The following ANO5 variants were observed in gnomAD, a reference collection of about 807,000 sequenced individuals.
ANO5 encodes anoctamin 5.
In ANO5, 109 loss-of-function variants were observed where a neutral mutation model predicts 121.0. That is an observed-to-expected ratio of 0.90 (90% CI 0.77 to 1.06). ANO5 has a LOEUF of 1.06. ANO5 is among the 50% of genes least tolerant of loss of function. The pLI is 0.00. For missense variants in ANO5, 1,064 were observed against 1,078.5 expected (o/e 0.99, Z 0.19); for synonymous variants, 406 against 359.9 (o/e 1.13, Z -1.45).
intron 2 of ANO5, among the ~76,000 whole-genome samples, chr11:22,205,227 A>C (rs1852080057): frequency 6.6e-6 from 1 of 152,120 alleles, no homozygotes; most frequent in African/African-American, 2.4e-5. Context: ...GGAGAGGATC[A>C]GGAAAAACAA....
chr11:22,225,409 A>G (rs1852791293), intron 5 of ANO5, among the ~76,000 whole-genome samples: 1 of 152,112 alleles, frequency 6.6e-6, no homozygotes, highest in South Asian at 2.1e-4. Context: ...ATGGGCTGTG[A>G]TCACAACACT....
chr11:22,193,027 G>T, upstream of ANO5: 1 of 1,014,900 alleles, frequency 9.9e-7, no homozygotes, highest in Non-Finnish European at 1.2e-6. Flanking sequence ...GGCGGGGAAA[G>T]AGGCGTGGAA....
intron 17 of ANO5, among the ~76,000 whole-genome samples, chr11:22,264,839 G>C (rs1222059858): frequency 1.3e-5 from 2 of 152,176 alleles, no homozygotes; most frequent in Admixed American, 6.5e-5. Flanking sequence ...GAAAATTCCA[G>C]AGTACAGTTC....
chr11:22,203,665 A>G (rs1434919521), intron 1 of ANO5, 139 bp from the exon 2 acceptor site: 4 of 580,530 alleles, frequency 6.9e-6, no homozygotes, highest in African/African-American at 5.6e-5. Flanking sequence ...GCTCCGAATC[A>G]TCTTGTATCT....
intron 17 of ANO5, among the ~76,000 whole-genome samples, chr11:22,270,016 C>T (rs1854550345): frequency 6.6e-6 from 1 of 152,170 alleles, no homozygotes; most frequent in Non-Finnish European, 1.5e-5. Flanking sequence ...AGTGGTAACT[C>T]TCTCCTCCAC....
Position 22,279,748 on chromosome 11 carries a change from G to C in ANO5, c.2725G>C (p.Ala909Pro). ...GATTGAGGAAAACAAAGCACAGCTG[G>C]CTAAATCAACACTCTAATCAGTATA... ...VMIEENKAQL[A>P]KSTL The change falls in exon 22 of 22, where the codon GCT becomes CCT. Residue 909 changes from alanine (A) to proline (P), a missense_variant. By Grantham distance (27) the Ala-to-Pro change is conservative. Transcript: ENST00000324559. 1 of 1,612,054 alleles carries C rather than the reference G, an allele frequency of 6.2e-7. No individual in the cohort carries two copies. The highest frequency in any genetic ancestry group is 8.5e-7 in the Non-Finnish European group (1 of 1,178,786).
At chr11:22,223,667 G>A (rs1852731860) in intron 5 of ANO5, among the ~76,000 whole-genome samples, 1 of 151,990 alleles carries the variant, frequency 6.6e-6, no homozygotes, top group Non-Finnish European at 1.5e-5. Context: ...TCTAAGGATA[G>A]CAATTTAATC....
intron 1 of ANO5, among the ~76,000 whole-genome samples, chr11:22,198,276 G>A (rs551761085): frequency 6.6e-6 from 1 of 152,336 alleles, no homozygotes; most frequent in African/African-American, 2.4e-5. Context: ...TATGGGAGCA[G>A]GTGGGAGGCC....
chr11:22,260,504 CTTTCA>C (rs761057593), intron 15 of ANO5, among the ~76,000 whole-genome samples: 1 of 152,174 alleles, frequency 6.6e-6, no homozygotes, highest in African/African-American at 2.4e-5. Context: ...TGAGATGAGA[CTTTCA>C]TTATATACTA....
rs578125366 is a variant in ANO5, at chr11:22,272,736, C to G, written c.2030-48C>G. On this transcript the variant is annotated intron_variant, in intron 18 of 21. Transcript: ENST00000324559. ...CAGGATTTGGGCAGGGTGTTCCTGT[C>G]TTTCTCCTTCACAATAATGAGTTCA... The G allele has an allele frequency of 9.0e-6, 14 of 1,560,064 alleles. No homozygotes were observed. In the African/African-American group the frequency reaches 1.8e-4, roughly 20 times the overall value.
At chr11:22,271,664 T>G (rs1854616393) in intron 18 of ANO5, among the ~76,000 whole-genome samples, 3 of 138,538 alleles carry the variant, frequency 2.2e-5, no homozygotes, top group Admixed American at 2.0e-4. Context: ...TATTAAGACA[T>G]AATTAATTTA....
At position 22,262,997 on chromosome 11, in the gene ANO5, A is replaced by G; in HGVS notation, c.1852A>G (p.Met618Val). The G allele has an allele frequency of 1.2e-6, 2 of 1,613,712 alleles. No individual in the cohort carries two copies. The highest frequency in any genetic ancestry group is 1.7e-6 in the Non-Finnish European group (2 of 1,179,798). ...IELTTQLTII[M>V]TGKQIFGNIK... Reference sequence around the variant, plus strand: ...ATTGACAACCCAATTGACCATTATAATGACCGGGAAACAGATTTTTGGAAA... The same window carrying G: ...ATTGACAACCCAATTGACCATTATAGTGACCGGGAAACAGATTTTTGGAAA... The change falls in exon 17 of 22, where the codon ATG becomes GTG. Residue 618 changes from methionine (M) to valine (V), a missense_variant. By Grantham distance (21) the Met-to-Val change is conservative. Transcript: ENST00000324559.
intron 5 of ANO5, 125 bp from the exon 6 acceptor site, chr11:22,225,859 A>G (rs1852808884): frequency 1.4e-6 from 1 of 697,234 alleles, no homozygotes; most frequent in Non-Finnish European, 2.5e-6. Flanking sequence ...GAGCATTTTT[A>G]TATACAACCA....
intron 21 of ANO5, among the ~76,000 whole-genome samples, chr11:22,278,681 C>G (rs1156809950): frequency 6.6e-6 from 1 of 151,484 alleles, no homozygotes; most frequent in African/African-American, 2.4e-5. Flanking sequence ...AGGTTGATAA[C>G]GTAGTGAGCT....
In ANO5 at chr11:22,282,944, C is replaced by T. The variant is rs1367972277; in HGVS notation, c.*3179C>T. 2 of 152,132 alleles carry T rather than the reference C, an allele frequency of 1.3e-5. No homozygotes were observed. The highest frequency in any genetic ancestry group is 3.9e-4 in the East Asian group (2 of 5,192). 9.4% of individuals were successfully genotyped at this position (152,132 alleles called of 1,614,324 possible). A position where few individuals can be genotyped will look rare whatever the true frequency, so the allele number is the denominator to read the frequency against. ...ATTGCAAAAAGTACCATTGGCCAGC[C>T]TTACAAGTCAGCCACAATGAGTCGG... On this transcript the variant is annotated 3_prime_UTR_variant, in exon 22 of 22. Coordinates refer to ENST00000324559, the MANE Select transcript of ANO5 (RefSeq NM_213599.3).
intron 5 of ANO5, among the ~76,000 whole-genome samples, chr11:22,225,548 C>T (rs72979971): frequency 0.02 from 3,082 of 152,172 alleles, 47 homozygotes; most frequent in Non-Finnish European, 0.03. Flanking sequence ...TTACTTTTTG[C>T]TAAGTGAAGC....
chr11:22,228,872 T>G (rs1036390081), intron 7 of ANO5, among the ~76,000 whole-genome samples: 1 of 151,998 alleles, frequency 6.6e-6, no homozygotes, highest in African/African-American at 2.4e-5. Context: ...TCTTTCTTCA[T>G]TCATTCATTG....
chr11:22,261,072 C>G (rs972288098), intron 15 of ANO5: 1 of 152,158 alleles, frequency 6.6e-6, no homozygotes, highest in Non-Finnish European at 1.5e-5. Context: ...TTTCTTTAAA[C>G]CTGATTGTAA....
At chr11:22,240,680 A>T (rs1853399546) in intron 9 of ANO5, among the ~76,000 whole-genome samples, 1 of 152,100 alleles carries the variant, frequency 6.6e-6, no homozygotes, top group Non-Finnish European at 1.5e-5. Flanking sequence ...AACATTTCAA[A>T]TAATTAAGAG....
Sources: gnomAD v4.1 joint callset for allele counts (sites outside exome capture counted in the v4.1 genomes callset) on GRCh38, gnomAD v4.1.1 for gene constraint, MANE v1.5 for transcripts, NCBI Gene and HGNC (gene_info 2026-07-23, HGNC 2026-07-21) for gene names.